The following ATP10B variants were observed in gnomAD, a reference collection of about 807,000 sequenced individuals.
The protein encoded by ATP10B is phospholipid-transporting ATPase VB.
Under a neutral mutation model 141.2 loss-of-function variants are expected in ATP10B, and 122 were observed. The observed-to-expected ratio is 0.86, with a 90% CI of 0.75 to 1.00. ATP10B has a LOEUF of 1.00. Among genes scored for constraint, ATP10B ranks in the 50% least tolerant of loss-of-function variants. The pLI, the probability that ATP10B is intolerant of heterozygous loss-of-function variation, is 0.00. For missense variants in ATP10B, 1,876 were observed against 1,825.3 expected, an observed-to-expected ratio of 1.03 and a Z score of -0.51; for synonymous variants, 685 against 692.0, an observed-to-expected ratio of 0.99 and a Z score of 0.16.
At chr5:160,912,066 A>G in the ATP10B span, among the ~76,000 whole-genome samples, 1 of 152,292 alleles carries the variant, frequency 6.6e-6, no homozygotes, top group East Asian at 1.9e-4. Flanking sequence ...GAGAGAGATT[A>G]CATCTATAGG....
At chr5:160,850,556 C>T (rs1210570935) in intron 1 of ATP10B, among the ~76,000 whole-genome samples, 1 of 152,178 alleles carries the variant, frequency 6.6e-6, no homozygotes, top group Non-Finnish European at 1.5e-5. Flanking sequence ...GTAAACTAGG[C>T]AGCTAGACTA....
Position 160,634,202 on chromosome 5 carries a change from C to A in ATP10B, c.1381+152G>T, listed in dbSNP as rs1179418235. Reference sequence around the variant, plus strand: ...TAATTGGAACAGCCCTGATCTGTGACAAGGAAGACCACAGGGATACAGGAA... The same window carrying A: ...TAATTGGAACAGCCCTGATCTGTGAAAAGGAAGACCACAGGGATACAGGAA... On this transcript the variant is annotated intron_variant, in intron 12 of 25. Coordinates refer to ENST00000327245, the MANE Select transcript of ATP10B (RefSeq NM_025153.3). 2.9e-6 allele frequency: 3 copies of A among 1,048,082 alleles called. No homozygotes were observed. The Admixed American group carries it at 5.1e-5, about 18-fold the overall frequency. The allele number at this position is 1,048,082 out of a possible 1,614,324, so 64.9% of individuals were successfully genotyped here. A position where few individuals can be genotyped will look rare whatever the true frequency, so the allele number is the denominator to read the frequency against.
At chr5:160,693,905 A>C (rs554883291) in intron 3 of ATP10B, among the ~76,000 whole-genome samples, 1 of 152,232 alleles carries the variant, frequency 6.6e-6, no homozygotes, top group Admixed American at 6.5e-5. Flanking sequence ...ATGGACTGCT[A>C]TGGGCCCGTG....
chr5:160,912,709 AAAG>A, the ATP10B span, among the ~76,000 whole-genome samples: 2 of 152,042 alleles, frequency 1.3e-5, no homozygotes, highest in Non-Finnish European at 2.9e-5. Flanking sequence ...AGAAAAGAGA[AAAG>A]AAGAAAGAAA....
rs779064482 is a variant in ATP10B at position 160,761,149 on chromosome 5, G to A, written c.-331+24410C>T. Among the ~76,000 whole-genome samples, 118 of 152,094 alleles carry A rather than the reference G, an allele frequency of 7.8e-4. 1 individual carries two copies. Among genetic ancestry groups the A allele is most frequent in the Non-Finnish European group, 5.7e-4 (39 of 68,022 alleles). ...ACCCTCCTCCAAAGAAGGAAAAAAC[G>A]ACAGCTAATTCCACTGCCTGCAACA... On this transcript the variant is annotated intron_variant, in intron 2 of 25. Transcript: ENST00000327245.
intron 3 of ATP10B, among the ~76,000 whole-genome samples, chr5:160,708,774 C>T (rs1765171983): frequency 6.6e-6 from 1 of 152,180 alleles, no homozygotes; most frequent in Non-Finnish European, 1.5e-5. Context: ...TGTTCTACGT[C>T]ATGATGGAAG....
At chr5:160,740,976 C>T (rs34130333) in intron 2 of ATP10B, among the ~76,000 whole-genome samples, 3,298 of 152,306 alleles carry the variant, frequency 0.022, 47 homozygotes, top group South Asian at 0.04. Context: ...ATGGCCTCCC[C>T]AATCCTTACT....
the ATP10B span, among the ~76,000 whole-genome samples, chr5:160,889,345 C>A: frequency 6.6e-6 from 1 of 152,164 alleles, no homozygotes; most frequent in Non-Finnish European, 1.5e-5. Context: ...CAAGGTAAGA[C>A]CTGCTTCTTG....
the ATP10B span, among the ~76,000 whole-genome samples, chr5:160,872,298 T>C: frequency 6.6e-6 from 1 of 152,202 alleles, no homozygotes; most frequent in Non-Finnish European, 1.5e-5. Flanking sequence ...GATGTATAGA[T>C]TGTGAAGATT....
the ATP10B span, among the ~76,000 whole-genome samples, chr5:160,877,066 G>T: frequency 6.6e-6 from 1 of 151,844 alleles, no homozygotes; most frequent in African/African-American, 2.4e-5. Flanking sequence ...TACCAAAGCC[G>T]GACAGAGACA....
At chr5:160,764,827 A>G (rs1247430424) in intron 2 of ATP10B, among the ~76,000 whole-genome samples, 3 of 152,156 alleles carry the variant, frequency 2.0e-5, no homozygotes, top group Non-Finnish European at 2.9e-5. Flanking sequence ...GACTCATCCA[A>G]AAAGTTCCTA....
chr5:160,786,812 A>T (rs557421596), intron 1 of ATP10B, among the ~76,000 whole-genome samples: 64 of 152,250 alleles, frequency 4.2e-4, no homozygotes, highest in Non-Finnish European at 7.8e-4. Context: ...TTTGGGCAGA[A>T]GATCTCCCTA....
At chr5:160,789,011 G>A (rs946352916) in intron 1 of ATP10B, among the ~76,000 whole-genome samples, 1 of 152,116 alleles carries the variant, frequency 6.6e-6, no homozygotes, top group South Asian at 2.1e-4. Flanking sequence ...TCTGACTAGG[G>A]CCTCAATAGT....
At chr5:160,824,859 G>A (rs1228063293) in intron 1 of ATP10B, among the ~76,000 whole-genome samples, 1 of 152,130 alleles carries the variant, frequency 6.6e-6, no homozygotes, top group East Asian at 1.9e-4. Context: ...GGGTGTCAAG[G>A]ATCTTTCTAG....
chr5:160,847,020 T>C (rs1776165255), intron 1 of ATP10B, among the ~76,000 whole-genome samples: 1 of 152,222 alleles, frequency 6.6e-6, no homozygotes, highest in African/African-American at 2.4e-5. Flanking sequence ...CTACTTCCAA[T>C]ATTACCTCTT....
At chr5:160,870,438 C>T in the ATP10B span, among the ~76,000 whole-genome samples, 1 of 150,486 alleles carries the variant, frequency 6.6e-6, no homozygotes, top group Non-Finnish European at 1.5e-5. Context: ...TTTGAGGAGA[C>T]AGAACAAGCA....
In ATP10B at chr5:160,603,952, C is replaced by T. The variant is rs764460741; in HGVS notation, c.3237+13G>A. The T allele has an allele frequency of 1.2e-5, 19 of 1,607,784 alleles. No homozygotes were observed. Among genetic ancestry groups the T allele is most frequent in the Non-Finnish European group, 1.6e-5 (19 of 1,174,642 alleles). The stretch of plus-strand genomic sequence containing the variant: ...AGGACCAAAGAAAGAAGAATAGTTG[C>T]AGAGAACAATACCTGCATGCCTTCC... On this transcript the variant is annotated intron_variant, in intron 20 of 25. Transcript: ENST00000327245.
At chr5:160,582,654 G>C (rs1478023113) in intron 24 of ATP10B, among the ~76,000 whole-genome samples, 2 of 152,024 alleles carry the variant, frequency 1.3e-5, no homozygotes, top group African/African-American at 4.8e-5. Flanking sequence ...AGTTCTCCTG[G>C]ATAACATCCT....
At chr5:160,923,389 A>C in the ATP10B span, among the ~76,000 whole-genome samples, 1,857 of 152,184 alleles carry the variant, frequency 0.012, 27 homozygotes, top group Admixed American at 0.028. Context: ...AACCTTACCA[A>C]CCTTAGTTTT....
Sources: allele counts gnomAD v4.1 joint callset (sites outside exome capture counted in the v4.1 genomes callset), GRCh38; gene constraint gnomAD v4.1.1; transcripts MANE v1.5; gene names NCBI Gene and HGNC (gene_info 2026-07-23, HGNC 2026-07-21).